LYST: variants seen among roughly 807,000 people sequenced by gnomAD.
LYST encodes the protein lysosomal-trafficking regulator.
A neutral mutation model predicts 413.6 loss-of-function variants in LYST; 192 were observed. The observed-to-expected ratio is 0.46, with a 90% CI of 0.41 to 0.52. The LOEUF is 0.52. Ranked by LOEUF, LYST falls within the 20% of genes least tolerant of loss-of-function variation. The pLI, the probability that LYST is intolerant of heterozygous loss-of-function variation, is 0.00. For missense variants in LYST, 3,815 were observed against 4,499.9 expected, an observed-to-expected ratio of 0.85 and a Z score of 4.35; for synonymous variants, 1,525 against 1,567.3, an observed-to-expected ratio of 0.97 and a Z score of 0.64.
chr1:235,821,035 A>G (rs537706774), intron 3 of LYST, among the ~76,000 whole-genome samples: 164 of 152,324 alleles, frequency 1.1e-3, no homozygotes, highest in Non-Finnish European at 1.9e-3. Flanking sequence ...TCCCACATTT[A>G]GCTTTCATAT....
chr1:235,860,291 T>C (rs536791187), intron 1 of LYST, among the ~76,000 whole-genome samples: 8 of 152,272 alleles, frequency 5.3e-5, no homozygotes, highest in South Asian at 2.1e-4. Context: ...TCCCCAACTA[T>C]GGACAGCCCC....
chr1:235,664,509 T>A lies in LYST; in HGVS notation c.11151A>T (p.Val3717=). The A allele has an allele frequency of 6.2e-7, 1 of 1,614,176 alleles. No individual in the cohort carries two copies. The highest frequency in any genetic ancestry group is 1.1e-5 in the South Asian group (1 of 91,090). The change falls in exon 51 of 53, where the codon GTA becomes GTT. Residue 3717 remains valine, a synonymous_variant. Transcript: ENST00000389793. This position sits in a 1 kb window ranked among gnomAD's most constrained non-coding sequence, Gnocchi z 4.5. ...ATCCCCCAGCGATTACATTGATAGATACTCCCTCAGGCTGGTTGGAGAAAG... is the reference window on the plus strand; with the variant it reads ...ATCCCCCAGCGATTACATTGATAGAAACTCCCTCAGGCTGGTTGGAGAAAG... ...SVAFSNQPEG[V]SINVIAGGLE...
At chr1:235,702,240 A>G (rs1458352612) in intron 45 of LYST, among the ~76,000 whole-genome samples, 1 of 152,162 alleles carries the variant, frequency 6.6e-6, no homozygotes, top group Non-Finnish European at 1.5e-5. Context: ...CCTACTTCCT[A>G]TTTTTGGAGG....
At chr1:235,792,198 T>C in intron 11 of LYST, 73 bp from the exon 12 acceptor site, 1 of 1,017,412 alleles carries the variant, frequency 9.8e-7, no homozygotes. Context: ...AAATTTAGGT[T>C]ATAAATGAAA....
At chr1:235,694,008 C>CTTCT (rs1660882539) in intron 46 of LYST, among the ~76,000 whole-genome samples, 2 of 104,238 alleles carry the variant, frequency 1.9e-5, no homozygotes, top group South Asian at 4.5e-4. Context: ...TTCTCTTCTT[C>CTTCT]TTCTTTTTTT....
chr1:235,714,729 A>G (rs1176887816), intron 42 of LYST, among the ~76,000 whole-genome samples: 1 of 152,218 alleles, frequency 6.6e-6, no homozygotes, highest in Non-Finnish European at 1.5e-5. Context: ...ATTATTAACT[A>G]CAAAGCTACC....
At position 235,759,089 on chromosome 1, in the gene LYST, C is replaced by G. The variant is rs375324243; in HGVS notation, c.6764G>C (p.Gly2255Ala). The G allele has an allele frequency of 3.3e-5, 54 of 1,614,080 alleles. No homozygotes were observed. The highest frequency in any genetic ancestry group is 4.5e-5 in the Non-Finnish European group (53 of 1,180,034). Residue 2255 changes from glycine (G) to alanine (A), a missense_variant, in exon 23 of 53, where the codon GGA becomes GCA. Gly to Ala is a moderately conservative substitution (Grantham distance 60, BLOSUM62 0). Around this residue, in one of 4 missense-constraint regions of LYST, gnomAD observed 771 missense variants for 837.1 expected, o/e 0.92. Transcript: ENST00000389793. ...TGGCCAACGGCCAACAGCTGCAGAT[C>G]CGTTCTGTGAAGGAAAAGCTAGCCC... ...SLGLAFPSQN[G>A]SAAVGRWPSL... is the part of the protein sequence containing the mutation.
chr1:235,716,343 T>C (rs926372176), intron 41 of LYST, among the ~76,000 whole-genome samples: 1 of 152,210 alleles, frequency 6.6e-6, no homozygotes, highest in Non-Finnish European at 1.5e-5. Context: ...ATATGACTAA[T>C]GGTTATGGGT....
chr1:235,668,333 G>T (rs1658669329), intron 50 of LYST, among the ~76,000 whole-genome samples: 1 of 152,080 alleles, frequency 6.6e-6, no homozygotes, highest in Non-Finnish European at 1.5e-5. Context: ...ATGAACTCTA[G>T]TCTGGGTCGC....
chr1:235,703,929 G>A (rs1348080042), intron 44 of LYST, among the ~76,000 whole-genome samples: 2 of 80,290 alleles, frequency 2.5e-5, no homozygotes, highest in Non-Finnish European at 4.7e-5. Context: ...CCCTAAAATA[G>A]GCACCAGTGT....
chr1:235,670,274 C>G (rs545686240), intron 50 of LYST, among the ~76,000 whole-genome samples: 19 of 152,304 alleles, frequency 1.2e-4, no homozygotes, highest in South Asian at 8.3e-4. Context: ...GGAGAGGACA[C>G]AGTAACAGGA....
At chr1:235,782,179 TC>T (rs368698157) in intron 14 of LYST, 92 bp from the exon 15 acceptor site, 77 of 1,126,386 alleles carry the variant, frequency 6.8e-5, no homozygotes, top group South Asian at 2.3e-4. Flanking sequence ...AATGGGGAAT[TC>T]TTTTTTTTTT....
At chr1:235,663,121 A>G in intron 52 of LYST, 43 bp from the exon 53 acceptor site, 1 of 1,363,734 alleles carries the variant, frequency 7.3e-7, no homozygotes, top group Non-Finnish European at 1.0e-6. Context: ...TATATTTCTT[A>G]AAAGTGTATT....
chr1:235,737,963 T>TAAAAAA, intron 31 of LYST: 2 of 1,346,188 alleles, frequency 1.5e-6, no homozygotes, highest in Non-Finnish European at 1.9e-6. Flanking sequence ...GGACGTGCAT[T>TAAAAAA]CTCGATTCCT....
chr1:235,695,044 C>T (rs1660974604), intron 46 of LYST, among the ~76,000 whole-genome samples: 2 of 152,126 alleles, frequency 1.3e-5, no homozygotes, highest in Non-Finnish European at 2.9e-5. Flanking sequence ...CAGTCAATGC[C>T]TCTCTAGAAT....
chr1:235,862,924 T>C (rs1680071767), intron 1 of LYST, among the ~76,000 whole-genome samples: 1 of 152,050 alleles, frequency 6.6e-6, no homozygotes, highest in Admixed American at 6.5e-5. Flanking sequence ...TTCTATTTTA[T>C]AAAATGAGGT....
chr1:235,728,004 A>G, intron 38 of LYST, 72 bp downstream of exon 38: 1 of 1,057,346 alleles, frequency 9.5e-7, no homozygotes, highest in Non-Finnish European at 1.5e-6. Flanking sequence ...CCTTCTCTCT[A>G]GTTATACTGA....
At position 235,712,080 on chromosome 1, in the gene LYST, G is replaced by T; in HGVS notation, c.9902C>A (p.Pro3301Gln). 1 of 1,546,368 alleles carries T rather than the reference G, an allele frequency of 6.5e-7. No homozygotes were observed. The highest frequency in any genetic ancestry group is 8.8e-7 in the Non-Finnish European group (1 of 1,141,924). Residue 3301 changes from proline (P) to glutamine (Q), a missense_variant, in exon 43 of 53, where the codon CCA (proline) becomes CAA (glutamine). Transcript: ENST00000389793. ...ACCTTCACGGTTAACTAGGAACTCT[G>T]GAAGATAGAAAAACTCTGGGATAAG... Reference protein sequence around the residue: ...KELIPEFFYLPEFLVNREGFD... With the variant: ...KELIPEFFYLQEFLVNREGFD...
chr1:235,781,180 A>C, intron 15 of LYST, 125 bp from the exon 16 acceptor site: 1 of 674,216 alleles, frequency 1.5e-6, no homozygotes, highest in Non-Finnish European at 2.6e-6. Flanking sequence ...TATTTTATAA[A>C]ATTGATAAAG....
Sources: allele counts gnomAD v4.1 joint callset (sites outside exome capture counted in the v4.1 genomes callset), GRCh38; gene constraint gnomAD v4.1.1; regional missense constraint gnomAD v4.1.1; non-coding constraint Gnocchi (gnomAD v3.1); transcripts MANE v1.5; gene names NCBI Gene and HGNC (gene_info 2026-07-23, HGNC 2026-07-21).